Variants in LRRC20 observed in about 807,000 individuals in gnomAD.
The protein encoded by LRRC20 is leucine rich repeat containing 20.
LRRC20 carries 11 observed loss-of-function variants against 14.4 expected under a neutral mutation model. The observed-to-expected ratio is 0.77, with a 90% CI of 0.48 to 1.27. The LOEUF (loss-of-function observed/expected upper bound fraction) is 1.27, where lower values mean the gene tolerates loss of function less well. Among genes scored for constraint, LRRC20 ranks in the 50% most tolerant of loss-of-function variants. The pLI is 0.00. For synonymous variants in LRRC20, 121 were observed against 107.3 expected, an observed-to-expected ratio of 1.13 and a Z score of -0.79; for missense variants, 219 against 251.2, an observed-to-expected ratio of 0.87 and a Z score of 0.87.
At chr10:70,350,114 G>A (rs1321036330) in intron 2 of LRRC20, among the ~76,000 whole-genome samples, 1 of 149,910 alleles carries the variant, frequency 6.7e-6, no homozygotes, top group Non-Finnish European at 1.5e-5. Flanking sequence ...TCCTGGCATT[G>A]GAATCATTTA....
chr10:70,319,259 G>A (rs1235544210), intron 4 of LRRC20, among the ~76,000 whole-genome samples: 4 of 151,880 alleles, frequency 2.6e-5, no homozygotes, highest in African/African-American at 7.3e-5. Flanking sequence ...AGTCTCCTAC[G>A]GGGCAAAATG....
chr10:70,356,624 G>A (rs532480048), intron 2 of LRRC20, among the ~76,000 whole-genome samples: 8 of 152,246 alleles, frequency 5.3e-5, no homozygotes, highest in East Asian at 1.9e-4. Context: ...AGGCCGAGGC[G>A]GGCAGATCAC....
chr10:70,349,213 CAG>C (rs1260858127), intron 2 of LRRC20, among the ~76,000 whole-genome samples: 2 of 152,208 alleles, frequency 1.3e-5, no homozygotes, highest in African/African-American at 2.4e-5. Flanking sequence ...CATGGTCAGG[CAG>C]AGTCTCCACA....
intron 2 of LRRC20, among the ~76,000 whole-genome samples, chr10:70,367,999 T>TTATGTTATGTTATTTTATGTTATG (rs1844094441): frequency 6.9e-6 from 1 of 145,942 alleles, no homozygotes; most frequent in East Asian, 2.0e-4. Flanking sequence ...TATGTTATTT[T>TTATGTTATGTTATTTTATGTTATG]TTGAGATGGA....
chr10:70,300,887 T>C lies in LRRC20; in HGVS notation c.*467A>G, dbSNP rs2136834879. On this transcript the variant is annotated 3_prime_UTR_variant, in exon 5 of 5. Transcript: ENST00000446961. ...TCAGGAAGCAATAAATAGATGGAGG[T>C]TGTCTTCTCTTCTCAGGGCAGCAAC... 1.0e-6 allele frequency: 1 copy of C among 987,262 alleles called. No homozygotes were observed. Among genetic ancestry groups the C allele is most frequent in the Non-Finnish European group, 1.2e-6 (1 of 831,420 alleles). 61.2% of individuals were successfully genotyped at this position (987,262 alleles called of 1,614,324 possible).
chr10:70,322,066 T>C (rs2136941681), intron 4 of LRRC20, among the ~76,000 whole-genome samples: 1 of 152,320 alleles, frequency 6.6e-6, no homozygotes, highest in East Asian at 1.9e-4. Flanking sequence ...CCCACTTCGG[T>C]GCAAGTCACT....
intron 2 of LRRC20, among the ~76,000 whole-genome samples, chr10:70,346,560 GTTGA>G (rs1179542321): frequency 2.0e-5 from 3 of 152,144 alleles, no homozygotes; most frequent in Non-Finnish European, 4.4e-5. Flanking sequence ...ACCCAGGTGT[GTTGA>G]TTGTTTCTCT....
At chr10:70,359,542 A>C (rs1843645501) in intron 2 of LRRC20, among the ~76,000 whole-genome samples, 1 of 152,126 alleles carries the variant, frequency 6.6e-6, no homozygotes, top group Admixed American at 6.5e-5. Context: ...CCTTGTCTCA[A>C]AATTATACTC....
chr10:70,363,065 G>C (rs1318788822), intron 2 of LRRC20, among the ~76,000 whole-genome samples: 1 of 151,098 alleles, frequency 6.6e-6, no homozygotes, highest in Non-Finnish European at 1.5e-5. Flanking sequence ...GAGCCCAGGA[G>C]TTCGAGACTA....
intron 2 of LRRC20, among the ~76,000 whole-genome samples, chr10:70,369,552 C>T (rs1256049984): frequency 6.7e-5 from 9 of 134,416 alleles, no homozygotes; most frequent in East Asian, 4.5e-4. Context: ...TGCCGTGAGC[C>T]GAGATGGTGT....
At chr10:70,377,541 T>C (rs747413325) in intron 1 of LRRC20, among the ~76,000 whole-genome samples, 7 of 151,890 alleles carry the variant, frequency 4.6e-5, no homozygotes, top group South Asian at 2.1e-4. Flanking sequence ...CAGCACCCCA[T>C]AGAGAGAGGA....
intron 2 of LRRC20, among the ~76,000 whole-genome samples, chr10:70,357,914 C>T (rs958056398): frequency 2.0e-5 from 3 of 152,224 alleles, no homozygotes; most frequent in African/African-American, 7.2e-5. Flanking sequence ...TGGAGGAGGC[C>T]ACGTGGCCAA....
chr10:70,302,038 T>C (rs1224520023), intron 4 of LRRC20, among the ~76,000 whole-genome samples: 2 of 152,088 alleles, frequency 1.3e-5, no homozygotes, highest in Non-Finnish European at 2.9e-5. Flanking sequence ...GCTAGGCCAG[T>C]CGTGGTGGCT....
At chr10:70,365,772 T>C (rs1221749989) in intron 2 of LRRC20, among the ~76,000 whole-genome samples, 1 of 152,010 alleles carries the variant, frequency 6.6e-6, no homozygotes, top group Non-Finnish European at 1.5e-5. Context: ...AGAGATTTAA[T>C]CAAAAACGAA....
rs1841329290 is a variant in LRRC20 at position 70,304,470 on chromosome 10, T to TTTTATATATATATATATATATATA, written c.401-2963_401-2962insTATATATATATATATATATATAAA. Among the ~76,000 whole-genome samples, 17 of 113,820 alleles carry TTTTATATATATATATATATATATA rather than the reference T, an allele frequency of 1.5e-4. No individual in the cohort carries two copies. The South Asian group carries it at 2.2e-3, about 15-fold the overall frequency. The allele number at this position is 113,820 out of a possible 152,430, so 74.7% of individuals were successfully genotyped here. ...GCTATATAGATATCAGGCCACTTCT[T>TTTTATATATATATATATATATATA]TATATATATATATATATATATATAT... On this transcript the variant is annotated intron_variant, in intron 4 of 4. Coordinates refer to ENST00000446961, the MANE Select transcript of LRRC20 (RefSeq NM_001278212.2).
At chr10:70,310,227 G>A (rs150666388) in intron 4 of LRRC20, among the ~76,000 whole-genome samples, 1 of 152,350 alleles carries the variant, frequency 6.6e-6, no homozygotes, top group East Asian at 1.9e-4. Flanking sequence ...GATCATTTAT[G>A]CTCACAGCAT....
At position 70,340,802 on chromosome 10, in the gene LRRC20, C is replaced by T. The variant is rs193281529; in HGVS notation, c.83-100G>A. 686 of 1,223,408 alleles carry T rather than the reference C, an allele frequency of 5.6e-4. 5 individuals carry two copies. In the African/African-American group the frequency reaches 9.1e-3, roughly 16 times the overall value. The allele number at this position is 1,223,408 out of a possible 1,614,324, so 75.8% of individuals were successfully genotyped here. On this transcript the variant is annotated intron_variant, in intron 2 of 4. Coordinates refer to ENST00000446961, the MANE Select transcript of LRRC20 (RefSeq NM_001278212.2). ...ACCCCACCTCCATGCCCCCTTCCAG[C>T]CTCCTTGCCCTCCCACCTGTCTCCC...
Position 70,301,346 on chromosome 10 carries a change from AG to A in LRRC20, c.*7del. 6.2e-7 allele frequency: 1 copy of A among 1,607,844 alleles called. No homozygotes were observed. The highest frequency in any genetic ancestry group is 8.5e-7 in the Non-Finnish European group (1 of 1,177,684). Reference sequence around the variant, plus strand: ...TGCCCCTTGCTGGGTGGGCATGAGGAGGGTGGCCTAAGGTAGGGGGGCTCTT... The same window carrying A: ...TGCCCCTTGCTGGGTGGGCATGAGGAGGTGGCCTAAGGTAGGGGGGCTCTT... On this transcript the variant is annotated 3_prime_UTR_variant, in exon 5 of 5. Coordinates refer to ENST00000446961, the MANE Select transcript of LRRC20 (RefSeq NM_001278212.2).
At chr10:70,351,963 C>T (rs1160824005) in intron 2 of LRRC20, among the ~76,000 whole-genome samples, 2 of 152,002 alleles carry the variant, frequency 1.3e-5, no homozygotes, top group Non-Finnish European at 1.5e-5. Flanking sequence ...ACAGTGAAGC[C>T]GAGTAAACTA....
Sources: gnomAD v4.1 joint callset for allele counts (sites outside exome capture counted in the v4.1 genomes callset) on GRCh38, gnomAD v4.1.1 for gene constraint, MANE v1.5 for transcripts, NCBI Gene and HGNC (gene_info 2026-07-23, HGNC 2026-07-21) for gene names.